The following MAP4K2 variants were observed in gnomAD, a reference collection of about 807,000 sequenced individuals.
MAP4K2 encodes mitogen-activated protein kinase kinase kinase kinase 2.
A neutral mutation model predicts 125.3 loss-of-function variants in MAP4K2; 85 were observed. The ratio of observed to expected loss-of-function variants is 0.68; its 90% confidence interval spans 0.57 to 0.81. The LOEUF (loss-of-function observed/expected upper bound fraction) is 0.81. MAP4K2 is among the 40% of genes least tolerant of loss of function. The pLI is 0.00. For synonymous variants in MAP4K2, 479 were observed against 445.1 expected, an observed-to-expected ratio of 1.08 and a Z score of -0.96; for missense variants, 923 against 1,056.4, an observed-to-expected ratio of 0.87 and a Z score of 1.75.
intron 29 of MAP4K2, 99 bp downstream of exon 29, chr11:64,790,089 G>C (rs764212651): frequency 2.6e-6 from 4 of 1,535,904 alleles, no homozygotes; most frequent in Non-Finnish European, 3.6e-6. Flanking sequence ...AGAGGGGCTA[G>C]GGGATCTGCC....
At chr11:64,801,821 T>G (rs1941195348) in intron 5 of MAP4K2, 64 bp from the exon 6 acceptor site, 1 of 1,565,874 alleles carries the variant, frequency 6.4e-7, no homozygotes. Flanking sequence ...CCAAACCCCC[T>G]CTCAGGACTG....
chr11:64,785,976 C>G lies in MAP4K2; in HGVS notation c.*3561G>C, dbSNP rs1458753427. On this transcript the variant is annotated 3_prime_UTR_variant, in exon 32 of 32. Transcript: ENST00000294066. ...AGGAACTGAGTTATAACTTAAATAC[C>G]CATGAACCTACCACCAAACCTGAGA... is the stretch of plus-strand genomic sequence containing the variant. 2.0e-5 allele frequency: 3 copies of G among 152,096 alleles called. No homozygotes were observed. Among genetic ancestry groups the G allele is most frequent in the African/African-American group, 7.2e-5 (3 of 41,400 alleles). The allele number at this position is 152,096 out of a possible 1,614,324, so 9.4% of individuals were successfully genotyped here.
At position 64,800,530 on chromosome 11, in the gene MAP4K2, G is replaced by A. The variant is rs1264488256; in HGVS notation, c.726-138C>T. On this transcript the variant is annotated intron_variant, in intron 10 of 31. Coordinates refer to ENST00000294066, the MANE Select transcript of MAP4K2 (RefSeq NM_004579.5). ...GAGCCAGCCGAGGCCAAGGGCCACT[G>A]GCCGAGCAACGCTGCCTTGCGACAC... 2.7e-6 allele frequency: 3 copies of A among 1,118,434 alleles called. No homozygotes were observed. The African/African-American group carries it at 4.7e-5, about 18-fold the overall frequency. 69.3% of individuals were successfully genotyped at this position (1,118,434 alleles called of 1,614,324 possible).
intron 24 of MAP4K2, among the ~76,000 whole-genome samples, chr11:64,794,704 C>T (rs1940688806): frequency 6.6e-6 from 1 of 152,054 alleles, no homozygotes; most frequent in Admixed American, 6.6e-5. Flanking sequence ...GCTGCTCCGC[C>T]CCAACACATA....
chr11:64,793,703 C>G (rs1940630660), intron 24 of MAP4K2, among the ~76,000 whole-genome samples: 1 of 152,230 alleles, frequency 6.6e-6, no homozygotes, highest in Non-Finnish European at 1.5e-5. Flanking sequence ...ACTCTCCTCC[C>G]CATCTGGTCT....
At position 64,803,079 on chromosome 11, in the gene MAP4K2, G is replaced by A. The variant is rs1288431853; in HGVS notation, c.71C>T (p.Ala24Val). ...DRFELLQRVG[A>V]GTYGDVYKAR... ...CTTGTAGACGTCGCCATAGGTCCCG[G>A]CCCCCACGCGCTGCAGCAGCTCGAA... The change falls in exon 1 of 32, where the codon GCC becomes GTC. Residue 24 changes from alanine to valine, a missense_variant. Physicochemically the swap from Ala to Val is moderately conservative, Grantham distance 64. Coordinates refer to ENST00000294066, the MANE Select transcript of MAP4K2 (RefSeq NM_004579.5). 1.2e-6 allele frequency: 2 copies of A among 1,602,202 alleles called. No homozygotes were observed. Among genetic ancestry groups the A allele is most frequent in the African/African-American group, 1.3e-5 (1 of 74,236 alleles).
chr11:64,802,090 G>A lies in MAP4K2; in HGVS notation c.342C>T (p.Ala114=). Residue 114 remains alanine (A), a synonymous_variant, in exon 5 of 32, where the codon GCC becomes GCT. Transcript: ENST00000294066. ...CCTTCAGTGCCTCTCGGCAGACGTA[G>A]GCAATCTGCCGCTCCTCCAGGGGCC... The part of the protein sequence containing the change: ...ATGPLEERQI[A]YVCREALKGL... 6.2e-7 allele frequency: 1 copy of A among 1,612,952 alleles called. No homozygotes were observed. The highest frequency in any genetic ancestry group is 1.7e-5 in the Admixed American group (1 of 59,996).
intron 7 of MAP4K2, 118 bp downstream of exon 7, chr11:64,801,461 G>T: frequency 1.7e-6 from 2 of 1,198,116 alleles, no homozygotes; most frequent in East Asian, 4.8e-5. Flanking sequence ...CTTCTAAGCA[G>T]GGAAACTGAG....
At chr11:64,801,662 G>C in intron 6 of MAP4K2, 41 bp from the exon 7 acceptor site, 1 of 1,613,842 alleles carries the variant, frequency 6.2e-7, no homozygotes, top group Non-Finnish European at 8.5e-7. Context: ...TGGTGCCCCC[G>C]AGGGCCTCCT....
chr11:64,799,376 C>T, intron 14 of MAP4K2, 45 bp downstream of exon 14: 1 of 1,605,128 alleles, frequency 6.2e-7, no homozygotes, highest in Non-Finnish European at 8.5e-7. Flanking sequence ...GACCTCCCTG[C>T]CCCACCTCTG....
chr11:64,799,702 A>G lies in MAP4K2; in HGVS notation c.916-19T>C. ...CATAGGTCTAAGGAAAAACAGAAAC[A>G]GTGTGGACACACCTGGCACGCGCCT... is the stretch of plus-strand genomic sequence containing the variant. On this transcript the variant is annotated intron_variant, in intron 12 of 31. Coordinates refer to ENST00000294066, the MANE Select transcript of MAP4K2 (RefSeq NM_004579.5). 1.9e-6 allele frequency: 3 copies of G among 1,608,442 alleles called. No homozygotes were observed. The highest frequency in any genetic ancestry group is 2.6e-6 in the Non-Finnish European group (3 of 1,175,710).
At chr11:64,802,185 C>T (rs1941232533) in intron 4 of MAP4K2, 64 bp from the exon 5 acceptor site, 10 of 1,459,240 alleles carry the variant, frequency 6.9e-6, no homozygotes, top group East Asian at 6.8e-5. Flanking sequence ...CCCAGGCTAC[C>T]GTGTGTGGGA....
At chr11:64,801,449 A>C (rs1385585267) in intron 7 of MAP4K2, 130 bp downstream of exon 7, 1 of 1,106,606 alleles carries the variant, frequency 9.0e-7, no homozygotes, top group Non-Finnish European at 1.3e-6. Context: ...GTACCGTTCC[A>C]TCTTCTAAGC....
chr11:64,789,272 AG>A lies in MAP4K2; in HGVS notation c.*264del. 1.9e-6 allele frequency: 1 copy of A among 532,646 alleles called. No homozygotes were observed. Among genetic ancestry groups the A allele is most frequent in the Non-Finnish European group, 3.4e-6 (1 of 295,412 alleles). The allele number at this position is 532,646 out of a possible 1,614,324, so 33.0% of individuals were successfully genotyped here. On this transcript the variant is annotated 3_prime_UTR_variant, in exon 32 of 32. Transcript: ENST00000294066. ...AAAATGGAATGGATGGCCCAGGCCCAGGGTCCCTGCCTTGGGCACTAGGGAC... is the reference window on the plus strand; with the variant it reads ...AAAATGGAATGGATGGCCCAGGCCCAGGTCCCTGCCTTGGGCACTAGGGAC...
chr11:64,801,319 C>A, intron 7 of MAP4K2, 136 bp from the exon 8 acceptor site: 1 of 1,132,522 alleles, frequency 8.8e-7, no homozygotes, highest in Non-Finnish European at 1.3e-6. Context: ...GCCGCAGGCC[C>A]TAGGCAAGGC....
At chr11:64,800,551 G>A (rs1014007870) in intron 10 of MAP4K2, among the ~76,000 whole-genome samples, 159 bp from the exon 11 acceptor site, 9 of 152,198 alleles carry the variant, frequency 5.9e-5, no homozygotes, top group Non-Finnish European at 7.3e-5. Flanking sequence ...GCTGCCTTGC[G>A]ACACAGCGGC....
In MAP4K2 at chr11:64,799,477, G is replaced by A; in HGVS notation, c.997C>T (p.His333Tyr). 1 of 1,611,104 alleles carries A rather than the reference G, an allele frequency of 6.2e-7. No homozygotes were observed. Residue 333 changes from histidine (H) to tyrosine (Y), a missense_variant and splice_region_variant, in exon 14 of 32, where the codon CAC becomes TAC. His to Tyr is a moderately conservative substitution (Grantham distance 83). Around this residue, in one of 2 missense-constraint regions of MAP4K2, gnomAD observed 833 missense variants for 911.4 expected, o/e 0.91. Transcript: ENST00000294066. ...AERTPSEIQF[H>Y]QVKFGAPRRK... Reference sequence around the variant, plus strand: ...CGTGGGGCGCCAAATTTCACCTGGTGAACTGGGGGGCCCAGAGTACAAGAG... The same window carrying A: ...CGTGGGGCGCCAAATTTCACCTGGTAAACTGGGGGGCCCAGAGTACAAGAG...
chr11:64,802,495 G>A lies in MAP4K2; in HGVS notation c.246-12C>T. The stretch of plus-strand genomic sequence containing the variant: ...ACAAGCGGTCATTCCTAGGGACAAA[G>A]AGCTGGGGTGGGCACAAAGCAGGTC... On this transcript the variant is annotated splice_polypyrimidine_tract_variant and intron_variant, in intron 3 of 31. Transcript: ENST00000294066. The A allele has an allele frequency of 6.5e-7, 1 of 1,544,250 alleles. No homozygotes were observed. The highest frequency in any genetic ancestry group is 8.7e-7 in the Non-Finnish European group (1 of 1,144,962).
In MAP4K2 at chr11:64,789,162, T is replaced by G; in HGVS notation, c.*375A>C. On this transcript the variant is annotated 3_prime_UTR_variant, in exon 32 of 32. Transcript: ENST00000294066. ...TAAAACAAACCAGCTTTAATACCAATATAGTTCTCTCTTAAATACCGTGTT... is the reference window on the plus strand; with the variant it reads ...TAAAACAAACCAGCTTTAATACCAAGATAGTTCTCTCTTAAATACCGTGTT... The G allele has an allele frequency of 6.8e-6, 2 of 293,460 alleles. No individual in the cohort carries two copies. The highest frequency in any genetic ancestry group is 1.3e-5 in the Non-Finnish European group (2 of 151,360). The allele number at this position is 293,460 out of a possible 1,614,324, so 18.2% of individuals were successfully genotyped here. A position where few individuals can be genotyped will look rare whatever the true frequency, so the allele number is the denominator to read the frequency against.
Sources: allele counts gnomAD v4.1 joint callset (sites outside exome capture counted in the v4.1 genomes callset), GRCh38; gene constraint gnomAD v4.1.1; regional missense constraint gnomAD v4.1.1; transcripts MANE v1.5; gene names NCBI Gene and HGNC (gene_info 2026-07-23, HGNC 2026-07-21).